NRXN1: variants seen among roughly 807,000 people sequenced by gnomAD.
NRXN1 encodes neurexin 1.
Under a neutral mutation model 150.9 loss-of-function variants are expected in NRXN1, and 39 were observed. The observed-to-expected ratio is 0.26, with a 90% CI of 0.20 to 0.34. The LOEUF is 0.34. Ranked by LOEUF, NRXN1 falls within the 10% of genes least tolerant of loss-of-function variation. The pLI is 1.00. For synonymous variants in NRXN1, 924 were observed against 757.0 expected, an observed-to-expected ratio of 1.22 and a Z score of -3.62; for missense variants, 1,815 against 1,949.9, an observed-to-expected ratio of 0.93 and a Z score of 1.30.
chr2:50,906,517 T>C (rs1558399001), intron 5 of NRXN1, among the ~76,000 whole-genome samples: 1 of 152,166 alleles, frequency 6.6e-6, no homozygotes, highest in African/African-American at 2.4e-5. Flanking sequence ...GGTATCTTTC[T>C]TGACTAAATA....
rs187732579 is a variant in NRXN1 at position 50,572,488 on chromosome 2, A to G, written c.1321-19463T>C. ...TAATATATGAATGATTTCAAAGTTA[A>G]TGTTAACAATAATAGCCATCACTGA... On this transcript the variant is annotated intron_variant, in intron 8 of 22. Coordinates refer to ENST00000401669, the MANE Select transcript of NRXN1 (RefSeq NM_001330078.2). Among the ~76,000 whole-genome samples, 3 of 152,330 alleles carry G rather than the reference A, an allele frequency of 2.0e-5. No homozygotes were observed. The East Asian group carries it at 5.8e-4, about 29-fold the overall frequency.
chr2:50,934,843 TA>T (rs1688283990), intron 2 of NRXN1, among the ~76,000 whole-genome samples: 1 of 152,304 alleles, frequency 6.6e-6, no homozygotes, highest in South Asian at 2.1e-4. Flanking sequence ...ATAAACCTGA[TA>T]AAAATTTTAT....
intron 3 of NRXN1, among the ~76,000 whole-genome samples, 168 bp from the exon 4 acceptor site, chr2:50,922,855 T>C (rs921851719): frequency 6.6e-6 from 1 of 151,834 alleles, no homozygotes; most frequent in African/African-American, 2.4e-5. Flanking sequence ...TTGGAATGCT[T>C]TGGGGCAAAG....
intron 18 of NRXN1, among the ~76,000 whole-genome samples, chr2:50,212,312 A>AAAAT (rs2063086094): frequency 6.6e-6 from 1 of 151,582 alleles, no homozygotes; most frequent in Admixed American, 6.6e-5. Context: ...AAAAAAAAAA[A>AAAAT]AAATGGGTTT....
At chr2:50,323,048 T>C (rs182933419) in intron 17 of NRXN1, among the ~76,000 whole-genome samples, 70 of 152,354 alleles carry the variant, frequency 4.6e-4, no homozygotes, top group African/African-American at 1.3e-3. Context: ...AACGTTCTTC[T>C]AAGAGTCAGC....
At chr2:50,275,577 T>C (rs1001030109) in intron 17 of NRXN1, among the ~76,000 whole-genome samples, 4 of 152,114 alleles carry the variant, frequency 2.6e-5, no homozygotes, top group Non-Finnish European at 5.9e-5. Context: ...CCCTTGACTT[T>C]TATTCGAAGA....
chr2:50,465,444 T>C lies in NRXN1; in HGVS notation c.3362A>G (p.Asp1121Gly), dbSNP rs949449619. The C allele has an allele frequency of 1.2e-6, 2 of 1,607,542 alleles. No homozygotes were observed. The highest frequency in any genetic ancestry group is 2.2e-5 in the East Asian group (1 of 44,688). ...MTSFSGPLCN[D>G]PGTTYIFSKG... is the part of the protein sequence containing the mutation. ...TCCATACTCAGAGAGGTACTTACGG[T>C]CATTGCAGAGTGGTCCACTGAAGGA... The change falls in exon 17 of 23, where the codon GAC becomes GGC. Residue 1121 changes from aspartate to glycine, a missense_variant and splice_region_variant. Physicochemically the swap from Asp to Gly is moderately conservative, Grantham distance 94. Around this residue, in one of 6 missense-constraint regions of NRXN1, gnomAD observed 339 missense variants for 440.3 expected, o/e 0.77. Coordinates refer to ENST00000401669, the MANE Select transcript of NRXN1 (RefSeq NM_001330078.2).
chr2:50,231,962 T>C (rs1258260487), intron 18 of NRXN1, among the ~76,000 whole-genome samples: 1 of 152,170 alleles, frequency 6.6e-6, no homozygotes, highest in Non-Finnish European at 1.5e-5. Flanking sequence ...AACTTAAACA[T>C]GTCTTGTGTA....
intron 18 of NRXN1, among the ~76,000 whole-genome samples, chr2:50,120,201 G>A (rs2152735195): frequency 6.6e-6 from 1 of 152,106 alleles, no homozygotes; most frequent in Admixed American, 6.6e-5. Flanking sequence ...ACATATATAA[G>A]GTAGAGGAAA....
intron 5 of NRXN1, among the ~76,000 whole-genome samples, chr2:50,668,985 A>C (rs1688453469): frequency 6.6e-6 from 1 of 151,942 alleles, no homozygotes; most frequent in Admixed American, 6.6e-5. Context: ...TGGTCAGGGG[A>C]TACAGGCCCT....
intron 8 of NRXN1, among the ~76,000 whole-genome samples, chr2:50,612,806 T>C (rs73933003): frequency 0.02 from 3,114 of 152,266 alleles, 102 homozygotes; most frequent in East Asian, 0.13. Flanking sequence ...TGAGGTCTCA[T>C]GAGTTCTCAT....
At chr2:50,676,023 A>C (rs1320140578) in intron 5 of NRXN1, among the ~76,000 whole-genome samples, 1 of 152,150 alleles carries the variant, frequency 6.6e-6, no homozygotes, top group African/African-American at 2.4e-5. Context: ...GTTCAAACGT[A>C]ACCTCCAAAG....
chr2:50,836,614 C>T (rs1414403631), intron 5 of NRXN1, among the ~76,000 whole-genome samples: 1 of 151,886 alleles, frequency 6.6e-6, no homozygotes, highest in Non-Finnish European at 1.5e-5. Flanking sequence ...CATAGTGTCC[C>T]CCGATTTCAT....
At chr2:50,637,050 C>G (rs1316078395) in intron 5 of NRXN1, among the ~76,000 whole-genome samples, 3 of 151,996 alleles carry the variant, frequency 2.0e-5, no homozygotes, top group Non-Finnish European at 4.4e-5. Flanking sequence ...AATTAGGAGC[C>G]CTAGGTTCAA....
In NRXN1 at chr2:49,921,326, C is replaced by T. The variant is rs200343191; in HGVS notation, c.*618G>A. On this transcript the variant is annotated 3_prime_UTR_variant, in exon 23 of 23. Coordinates refer to ENST00000401669, the MANE Select transcript of NRXN1 (RefSeq NM_001330078.2). ...TTCACATTTTTGAAAATAAGGCCTC[C>T]ATACTTTTTTTTCCTCTCTCACAAC... The T allele has an allele frequency of 6.6e-6, 1 of 152,536 alleles. No individual in the cohort carries two copies. The allele number at this position is 152,536 out of a possible 1,614,324, so 9.4% of individuals were successfully genotyped here.
intron 19 of NRXN1, among the ~76,000 whole-genome samples, chr2:50,090,435 A>C (rs182446705): frequency 3.3e-5 from 5 of 152,282 alleles, no homozygotes; most frequent in East Asian, 3.9e-4. Flanking sequence ...TTTGCAAAAA[A>C]CATAGTTATA....
At position 50,499,195 on chromosome 2, in the gene NRXN1, A is replaced by G. The variant is rs139086952; in HGVS notation, c.2498-1481T>C. 3.2e-3 allele frequency among the ~76,000 whole-genome samples: 485 copies of G among 152,336 alleles called. 4 individuals carry two copies. Among genetic ancestry groups the G allele is most frequent in the Non-Finnish European group, 5.2e-3 (355 of 68,028 alleles). Reference sequence around the variant, plus strand: ...TTGCTTAAGTGACTTTGATGATTATACATATATTTGTACACAAAACTCCCC... The same window carrying G: ...TTGCTTAAGTGACTTTGATGATTATGCATATATTTGTACACAAAACTCCCC... On this transcript the variant is annotated intron_variant, in intron 13 of 22. Coordinates refer to ENST00000401669, the MANE Select transcript of NRXN1 (RefSeq NM_001330078.2).
chr2:50,277,343 A>G (rs2070640912), intron 17 of NRXN1, among the ~76,000 whole-genome samples: 2 of 92,108 alleles, frequency 2.2e-5, no homozygotes, highest in Non-Finnish European at 4.8e-5. Context: ...CAATGTGAGC[A>G]GTTGACATTG....
intron 21 of NRXN1, among the ~76,000 whole-genome samples, chr2:50,045,289 T>A (rs1691635359): frequency 6.6e-6 from 1 of 152,216 alleles, no homozygotes; most frequent in Non-Finnish European, 1.5e-5. Context: ...TTTACATATA[T>A]CATGAAGGAG....
Sources: allele counts gnomAD v4.1 joint callset (sites outside exome capture counted in the v4.1 genomes callset), GRCh38; gene constraint gnomAD v4.1.1; regional missense constraint gnomAD v4.1.1; transcripts MANE v1.5; gene names NCBI Gene and HGNC (gene_info 2026-07-23, HGNC 2026-07-21).